DMBT1: variants seen among roughly 807,000 people sequenced by gnomAD.
The protein encoded by DMBT1 is deleted in malignant brain tumors 1, also known as scavenger receptor cysteine-rich domain-containing protein DMBT1.
DMBT1 carries 198 observed loss-of-function variants against 252.9 expected under a neutral mutation model. The ratio of observed to expected loss-of-function variants is 0.78; its 90% CI spans 0.70 to 0.88. DMBT1 has a LOEUF of 0.88. Ranked by LOEUF, DMBT1 falls within the 40% of genes least tolerant of loss-of-function variation. DMBT1 has a pLI of 0.00. For missense variants in DMBT1, 2,432 were observed against 2,404.7 expected (o/e 1.01, Z -0.24); for synonymous variants, 990 against 942.7 (o/e 1.05, Z -0.92).
chr10:122,622,510 T>A (rs2133643437), intron 44 of DMBT1, among the ~76,000 whole-genome samples: 1 of 152,338 alleles, frequency 6.6e-6, no homozygotes, highest in South Asian at 2.1e-4. Flanking sequence ...TACTCTTTTA[T>A]CTGTGTGGGC....
rs992704744 is a variant in DMBT1 at position 122,636,601 on chromosome 10, G to C, written c.6757+402G>C. Reference sequence around the variant, plus strand: ...TTTGGTTTCTATCTGAAGATGGACTGAGCTGGGTGGCTGGAAGTGGCTGAG... The same window carrying C: ...TTTGGTTTCTATCTGAAGATGGACTCAGCTGGGTGGCTGGAAGTGGCTGAG... On this transcript the variant is annotated intron_variant, in intron 53 of 55. Coordinates refer to ENST00000338354, the MANE Select transcript of DMBT1 (RefSeq NM_001377530.1). Among the ~76,000 whole-genome samples the C allele has an allele frequency of 2.0e-5, 3 of 152,228 alleles. No individual in the cohort carries two copies. In the East Asian group the frequency reaches 5.8e-4, roughly 29 times the overall value.
chr10:122,617,325 G>T (rs1417497510), intron 40 of DMBT1, 65 bp downstream of exon 40: 2 of 1,555,346 alleles, frequency 1.3e-6, no homozygotes, highest in Non-Finnish European at 1.8e-6. Flanking sequence ...GTTTGAAACT[G>T]ATAGGATGAG....
Position 122,585,258 on chromosome 10 carries a change from G to C in DMBT1, c.1421-13G>C. Reference sequence around the variant, plus strand: ...AACTTTAATTCTAGCCTTTGTCTCTGTTGCAATTACAGACACGTTGCCGAC... The same window carrying C: ...AACTTTAATTCTAGCCTTTGTCTCTCTTGCAATTACAGACACGTTGCCGAC... On this transcript the variant is annotated splice_polypyrimidine_tract_variant and intron_variant, in intron 14 of 55. Coordinates refer to ENST00000338354, the MANE Select transcript of DMBT1 (RefSeq NM_001377530.1). The C allele has an allele frequency of 6.3e-7, 1 of 1,586,028 alleles. No individual in the cohort carries two copies. The highest frequency in any genetic ancestry group is 8.6e-7 in the Non-Finnish European group (1 of 1,163,892).
chr10:122,576,059 T>G (rs577055012), intron 6 of DMBT1, among the ~76,000 whole-genome samples: 4 of 152,192 alleles, frequency 2.6e-5, no homozygotes, highest in Admixed American at 6.5e-5. Flanking sequence ...GTGCTGCTCT[T>G]CAGTGTGGGG....
Position 122,577,855 on chromosome 10 carries a change from T to C in DMBT1, c.637+15T>C, listed in dbSNP as rs779785466. ...ACTCAGGCCAGGTGAGTCCCCAGAA[T>C]CCTTCCTCGGGATACCCCTTCTCTT... On this transcript the variant is annotated intron_variant, in intron 8 of 55. Coordinates refer to ENST00000338354, the MANE Select transcript of DMBT1 (RefSeq NM_001377530.1). 6.2e-7 allele frequency: 1 copy of C among 1,613,440 alleles called. No individual in the cohort carries two copies. The highest frequency in any genetic ancestry group is 1.7e-5 in the Admixed American group (1 of 59,980).
Position 122,630,605 on chromosome 10 carries a change from A to C in DMBT1, c.6025+115A>C, listed in dbSNP as rs2098155308. On this transcript the variant is annotated intron_variant, in intron 48 of 55. Coordinates refer to ENST00000338354, the MANE Select transcript of DMBT1 (RefSeq NM_001377530.1). The stretch of plus-strand genomic sequence containing the variant: ...GAAGGGCCTCAGCGATGCACGGCCC[A>C]TTCTCTTTCTCTTGGCACTGACTGT... 5 of 1,112,654 alleles carry C rather than the reference A, an allele frequency of 4.5e-6. No individual in the cohort carries two copies. In the Admixed American group the frequency reaches 1.1e-4, roughly 25 times the overall value. The allele number at this position is 1,112,654 out of a possible 1,614,324, so 68.9% of individuals were successfully genotyped here.
intron 16 of DMBT1, among the ~76,000 whole-genome samples, chr10:122,586,834 G>T (rs2097794366): frequency 6.7e-6 from 1 of 148,418 alleles, no homozygotes; most frequent in South Asian, 2.3e-4. Context: ...TGGGGAGCTG[G>T]CCTGGGCAGA....
chr10:122,638,581 A>G (rs1053543019), intron 54 of DMBT1, among the ~76,000 whole-genome samples: 5 of 152,192 alleles, frequency 3.3e-5, no homozygotes, highest in African/African-American at 7.2e-5. Context: ...AGCTGGGACT[A>G]TAGGCATGCA....
rs1250090081 is a variant in DMBT1, at chr10:122,576,461, G to A, written c.346G>A (p.Glu116Lys). The A allele has an allele frequency of 3.1e-6, 5 of 1,613,958 alleles. No homozygotes were observed. Among genetic ancestry groups the A allele is most frequent in the Non-Finnish European group, 4.2e-6 (5 of 1,179,866 alleles). ...NGDGRCQGRVEILYRGSWGTV... is the reference protein window; with the variant it reads ...NGDGRCQGRVKILYRGSWGTV... ...AGATGGCAGGTGTCAGGGCCGAGTG[G>A]AGATCCTATACCGAGGCTCCTGGGG... is the stretch of plus-strand genomic sequence containing the variant. Residue 116 changes from glutamate to lysine, a missense_variant, in exon 7 of 56, where the codon GAG becomes AAG. Glu to Lys is a moderately conservative substitution (Grantham distance 56, BLOSUM62 1). Coordinates refer to ENST00000338354, the MANE Select transcript of DMBT1 (RefSeq NM_001377530.1).
chr10:122,576,603 C>T lies in DMBT1; in HGVS notation c.488C>T (p.Pro163Leu). 1 of 1,613,876 alleles carries T rather than the reference C, an allele frequency of 6.2e-7. No homozygotes were observed. The highest frequency in any genetic ancestry group is 8.5e-7 in the Non-Finnish European group (1 of 1,179,804). The change falls in exon 7 of 56, where the codon CCC becomes CTC. Residue 163 changes from proline to leucine, a missense_variant. Pro to Leu is a moderately conservative substitution (Grantham distance 98). Around this residue, in one of 3 missense-constraint regions of DMBT1, gnomAD observed 1,264 missense variants for 1,082.2 expected, o/e 1.17. Coordinates refer to ENST00000338354, the MANE Select transcript of DMBT1 (RefSeq NM_001377530.1). ...GNAWFGQGSG[P>L]IALDDVRCSG... ...GCCTGGTTTGGCCAGGGCTCAGGAC[C>T]CATTGCCCTGGATGATGTGCGCTGC...
At chr10:122,578,660 T>C in intron 8 of DMBT1, 58 bp from the exon 9 acceptor site, 1 of 1,490,500 alleles carries the variant, frequency 6.7e-7, no homozygotes, top group Non-Finnish European at 9.2e-7. Context: ...AACCGCTTGT[T>C]TTTTACCTTT....
chr10:122,571,450 A>G (rs1245107580), intron 4 of DMBT1, among the ~76,000 whole-genome samples: 1 of 152,160 alleles, frequency 6.6e-6, no homozygotes, highest in Non-Finnish European at 1.5e-5. Flanking sequence ...GCTGGTTCTT[A>G]AGACATAAAG....
chr10:122,572,276 G>A, intron 4 of DMBT1, 38 bp from the exon 5 acceptor site: 2 of 1,612,244 alleles, frequency 1.2e-6, no homozygotes, highest in Admixed American at 1.7e-5. Flanking sequence ...TCAAGCAAGG[G>A]CTACCATCAA....
intron 6 of DMBT1, among the ~76,000 whole-genome samples, chr10:122,575,305 C>T (rs1439091302): frequency 2.6e-5 from 4 of 152,190 alleles, no homozygotes; most frequent in Admixed American, 6.5e-5. Flanking sequence ...GTAGGCACAT[C>T]GGAATCAGAG....
intron 48 of DMBT1, 29 bp downstream of exon 48, chr10:122,630,519 G>T (rs1487284821): frequency 6.2e-7 from 1 of 1,606,408 alleles, no homozygotes; most frequent in South Asian, 1.1e-5. Flanking sequence ...ATGCCTATGA[G>T]GCTTGGTGGA....
Position 122,592,613 on chromosome 10 carries a change from T to A in DMBT1, c.2500+18T>A. On this transcript the variant is annotated intron_variant, in intron 20 of 55. Coordinates refer to ENST00000338354, the MANE Select transcript of DMBT1 (RefSeq NM_001377530.1). The stretch of plus-strand genomic sequence containing the variant: ...CTGCTCAGGTGGGCCTCCAAGACCT[T>A]GGGCTCCCTCTCCTAGACTGGAGTT... 1 of 1,588,358 alleles carries A rather than the reference T, an allele frequency of 6.3e-7. No homozygotes were observed. Among genetic ancestry groups the A allele is most frequent in the Non-Finnish European group, 8.6e-7 (1 of 1,165,608 alleles).
At position 122,621,261 on chromosome 10, in the gene DMBT1, C is replaced by T. The variant is rs369067660; in HGVS notation, c.5489C>T (p.Pro1830Leu). The T allele has an allele frequency of 1.3e-5, 21 of 1,613,686 alleles. No homozygotes were observed. The highest frequency in any genetic ancestry group is 1.7e-5 in the Non-Finnish European group (20 of 1,179,770). Residue 1830 changes from proline to leucine, a missense_variant, in exon 44 of 56, where the codon CCC (proline) becomes CTC (leucine). Around this residue, in one of 3 missense-constraint regions of DMBT1, gnomAD observed 1,162 missense variants for 1,169.0 expected, o/e 0.99. Coordinates refer to ENST00000338354, the MANE Select transcript of DMBT1 (RefSeq NM_001377530.1). The part of the protein sequence containing the change: ...GNARFGQGSG[P>L]IVLDDVRCSG... ...GCCCGGTTTGGCCAGGGCTCAGGAC[C>T]CATTGTCCTGGATGATGTGCGCTGC... is the stretch of plus-strand genomic sequence containing the variant.
In DMBT1 at chr10:122,617,467, G is replaced by A. The variant is rs183446989; in HGVS notation, c.4891+207G>A. Among the ~76,000 whole-genome samples the A allele has an allele frequency of 1.9e-3, 284 of 151,568 alleles. 1 individual carries two copies. Among genetic ancestry groups the A allele is most frequent in the Non-Finnish European group, 2.7e-3 (185 of 68,028 alleles). ...TGGTGACTGTCTCTCATGGGACCCT[G>A]TTCCAAGTGTTCAGGAACGATCCTC... On this transcript the variant is annotated intron_variant, in intron 40 of 55. Coordinates refer to ENST00000338354, the MANE Select transcript of DMBT1 (RefSeq NM_001377530.1).
At position 122,585,947 on chromosome 10, in the gene DMBT1, G is replaced by A. The variant is rs1384564847; in HGVS notation, c.1460-113G>A. On this transcript the variant is annotated intron_variant, in intron 15 of 55. Transcript: ENST00000338354. ...TCTGGTTTTATTCATATTCAAAGGT[G>A]ACTGCCTGCCCAGGTGACTTTAGCC... The A allele has an allele frequency of 7.2e-6, 11 of 1,534,698 alleles. 1 individual carries two copies. The highest frequency in any genetic ancestry group is 9.7e-6 in the Non-Finnish European group (11 of 1,135,858).
Sources: allele counts gnomAD v4.1 joint callset (sites outside exome capture counted in the v4.1 genomes callset), GRCh38; gene constraint gnomAD v4.1.1; regional missense constraint gnomAD v4.1.1; transcripts MANE v1.5; gene names NCBI Gene and HGNC (gene_info 2026-07-23, HGNC 2026-07-21).